Variants in RABGAP1L observed in about 807,000 individuals in gnomAD.
The protein encoded by RABGAP1L is rab GTPase-activating protein 1-like.
A neutral mutation model predicts 137.7 loss-of-function variants in RABGAP1L; 63 were observed. The observed-to-expected ratio is 0.46, with a 90% confidence interval of 0.37 to 0.56. The LOEUF is 0.56. Ranked by LOEUF, RABGAP1L falls within the 20% of genes least tolerant of loss-of-function variation. The pLI is 0.00. For missense variants in RABGAP1L, 1,095 were observed against 1,244.0 expected (o/e 0.88, Z 1.80); for synonymous variants, 431 against 433.7 (o/e 0.99, Z 0.08).
chr1:174,185,714 C>T (rs1233562635), intron 1 of RABGAP1L, among the ~76,000 whole-genome samples: 1 of 152,118 alleles, frequency 6.6e-6, no homozygotes, highest in Non-Finnish European at 1.5e-5. Flanking sequence ...GTTTAGATTC[C>T]CTCCTTCCTG....
At chr1:174,338,259 G>T (rs1357092862) in intron 11 of RABGAP1L, among the ~76,000 whole-genome samples, 1 of 152,070 alleles carries the variant, frequency 6.6e-6, no homozygotes, top group Non-Finnish European at 1.5e-5. Flanking sequence ...GTCTGTTAAG[G>T]TTTAATCTTA....
At chr1:174,277,859 G>A (rs1306294133) in intron 9 of RABGAP1L, among the ~76,000 whole-genome samples, 1 of 152,048 alleles carries the variant, frequency 6.6e-6, no homozygotes, top group African/African-American at 2.4e-5. Flanking sequence ...ATTGGCAGGT[G>A]TATTTAGTAA....
chr1:174,745,711 A>G (rs566831771), intron 17 of RABGAP1L, among the ~76,000 whole-genome samples: 88 of 152,244 alleles, frequency 5.8e-4, no homozygotes, highest in Non-Finnish European at 9.0e-4. Flanking sequence ...CAATAAATAC[A>G]TGAACCTAAT....
chr1:174,643,529 T>C (rs1674701193), intron 14 of RABGAP1L, among the ~76,000 whole-genome samples: 1 of 152,140 alleles, frequency 6.6e-6, no homozygotes, highest in African/African-American at 2.4e-5. Context: ...TACGGAACAG[T>C]GAATTCTTTC....
chr1:174,842,570 T>C lies in RABGAP1L; in HGVS notation c.2340+30610T>C, dbSNP rs373682136. On this transcript the variant is annotated intron_variant, in intron 19 of 25. Coordinates refer to ENST00000681986, the MANE Select transcript of RABGAP1L (RefSeq NM_001366446.1). ...CTTAAATTTAAGTAAGGTAGCAGTATGCTCATTTTATAGAAGAAATTCAGT... is the reference window on the plus strand; with the variant it reads ...CTTAAATTTAAGTAAGGTAGCAGTACGCTCATTTTATAGAAGAAATTCAGT... 5.3e-5 allele frequency among the ~76,000 whole-genome samples: 8 copies of C among 152,200 alleles called. No individual in the cohort carries two copies. In the East Asian group the frequency reaches 1.3e-3, roughly 26 times the overall value.
At chr1:174,393,250 T>A (rs1337903801) in intron 12 of RABGAP1L, among the ~76,000 whole-genome samples, 1 of 152,158 alleles carries the variant, frequency 6.6e-6, no homozygotes, top group East Asian at 1.9e-4. Context: ...AATGAGCACT[T>A]GCTGTTGTAA....
At chr1:174,674,567 T>C (rs1440990847) in intron 14 of RABGAP1L, among the ~76,000 whole-genome samples, 4 of 151,652 alleles carry the variant, frequency 2.6e-5, no homozygotes, top group African/African-American at 4.8e-5. Context: ...CGTGTCTTTA[T>C]AGCAGCATGA....
rs764096872 is a variant in RABGAP1L, at chr1:174,811,972, A to T, written c.2340+12A>T. On this transcript the variant is annotated intron_variant, in intron 19 of 25. Transcript: ENST00000681986. ...CTTGCAATATTAAAGTAAGAACATG[A>T]GTTTTTATATAATAAAGGTAAAATA... The T allele has an allele frequency of 5.7e-6, 9 of 1,574,996 alleles. No individual in the cohort carries two copies. The African/African-American group carries it at 1.2e-4, about 22-fold the overall frequency.
At chr1:174,505,467 CTT>C (rs201584880) in intron 13 of RABGAP1L, among the ~76,000 whole-genome samples, 4 of 146,228 alleles carry the variant, frequency 2.7e-5, no homozygotes, top group African/African-American at 5.0e-5. Context: ...TTGTGAAGAC[CTT>C]TTTTTTTTTT....
intron 11 of RABGAP1L, among the ~76,000 whole-genome samples, chr1:174,339,809 G>A (rs1681811304): frequency 6.6e-6 from 1 of 152,052 alleles, no homozygotes; most frequent in Non-Finnish European, 1.5e-5. Context: ...GTTTTGCTAT[G>A]TTGGCTATGC....
intron 19 of RABGAP1L, among the ~76,000 whole-genome samples, chr1:174,875,101 A>G (rs994990304): frequency 6.6e-6 from 1 of 152,252 alleles, no homozygotes; most frequent in South Asian, 2.1e-4. Context: ...GTTATAAATT[A>G]TAGAAGCTTT....
chr1:174,855,896 A>T (rs1013107631), intron 19 of RABGAP1L, among the ~76,000 whole-genome samples: 1 of 152,154 alleles, frequency 6.6e-6, no homozygotes, highest in Non-Finnish European at 1.5e-5. Flanking sequence ...GATGTGTAGC[A>T]CTCTGCTTTG....
intron 14 of RABGAP1L, among the ~76,000 whole-genome samples, chr1:174,667,562 T>G (rs1372285677): frequency 6.6e-6 from 1 of 152,218 alleles, no homozygotes; most frequent in African/African-American, 2.4e-5. Context: ...TATGTCAAGT[T>G]CTTTCATGCC....
intron 13 of RABGAP1L, among the ~76,000 whole-genome samples, chr1:174,397,677 G>A (rs938691372): frequency 5.3e-5 from 8 of 152,102 alleles, no homozygotes; most frequent in Admixed American, 1.3e-4. Context: ...TCACAAGATG[G>A]CTTTTCTACA....
intron 10 of RABGAP1L, among the ~76,000 whole-genome samples, chr1:174,287,442 A>G (rs1676158824): frequency 6.6e-6 from 1 of 152,146 alleles, no homozygotes; most frequent in South Asian, 2.1e-4. Flanking sequence ...AGTCTCTTGT[A>G]GGTAGCATAT....
At chr1:174,349,045 G>GA (rs969509368) in intron 11 of RABGAP1L, among the ~76,000 whole-genome samples, 1 of 24,690 alleles carries the variant, frequency 4.1e-5, no homozygotes, top group Admixed American at 3.4e-4. Flanking sequence ...CTGGCCGGGC[G>GA]GGGGGGGGGC....
In RABGAP1L at chr1:174,252,314, A is replaced by G. The variant is rs1271675678; in HGVS notation, c.876-166A>G. ...TTGCTGACTATAAAGTTTATAGTCAAATAAAATTAATAGTTTGCTGCCTGT... is the reference window on the plus strand; with the variant it reads ...TTGCTGACTATAAAGTTTATAGTCAGATAAAATTAATAGTTTGCTGCCTGT... On this transcript the variant is annotated intron_variant, in intron 6 of 25. Transcript: ENST00000681986. 8.4e-6 allele frequency: 6 copies of G among 717,578 alleles called. No individual in the cohort carries two copies. In the African/African-American group the frequency reaches 9.4e-5, roughly 11 times the overall value. 44.5% of individuals were successfully genotyped at this position (717,578 alleles called of 1,614,324 possible).
intron 13 of RABGAP1L, among the ~76,000 whole-genome samples, chr1:174,532,088 T>G (rs1355520527): frequency 6.6e-6 from 1 of 151,604 alleles, no homozygotes; most frequent in Non-Finnish European, 1.5e-5. Flanking sequence ...GTAAGAGAGG[T>G]GAAAGGAACC....
chr1:174,577,532 G>T lies in RABGAP1L; in HGVS notation c.1711-59843G>T, dbSNP rs143894894. On this transcript the variant is annotated intron_variant, in intron 13 of 25. Transcript: ENST00000681986. ...CAACACCACTGAGGATCCAGCAGAG[G>T]ATTCTATGATAAGTTGTCTTTGTCC... Among the ~76,000 whole-genome samples, 1,034 of 152,102 alleles carry T rather than the reference G, an allele frequency of 6.8e-3. 7 individuals are homozygous for T. Among genetic ancestry groups the T allele is most frequent in the Non-Finnish European group, 0.011 (776 of 67,996 alleles).
Sources: allele counts gnomAD v4.1 joint callset (sites outside exome capture counted in the v4.1 genomes callset), GRCh38; gene constraint gnomAD v4.1.1; transcripts MANE v1.5; gene names NCBI Gene and HGNC (gene_info 2026-07-23, HGNC 2026-07-21).